Variants in CEP63 observed in about 807,000 individuals in gnomAD.
CEP63 encodes centrosomal protein of 63 kDa.
CEP63 carries 84 observed loss-of-function variants against 89.1 expected under a neutral mutation model. That is an observed-to-expected ratio of 0.94 (90% CI 0.79 to 1.13). CEP63 has a LOEUF of 1.13. CEP63 is among the 50% of genes most tolerant of loss of function. The probability of loss-of-function intolerance (pLI) is 0.00; values close to 1 mark genes in which losing one functional copy is unlikely to be tolerated. For synonymous variants in CEP63, 267 were observed against 272.5 expected (o/e 0.98, Z 0.20); for missense variants, 838 against 813.3 (o/e 1.03, Z -0.37).
At chr3:134,494,849 CAA>C (rs1172374330) in intron 1 of CEP63, among the ~76,000 whole-genome samples, 1 of 152,042 alleles carries the variant, frequency 6.6e-6, no homozygotes, top group Non-Finnish European at 1.5e-5. Context: ...CATGATAGAC[CAA>C]AGAGTTTAAT....
the CEP63 span, among the ~76,000 whole-genome samples, chr3:134,751,081 AT>A: frequency 6.6e-6 from 1 of 152,236 alleles, no homozygotes; most frequent in Non-Finnish European, 1.5e-5. Context: ...ATCACACAAT[AT>A]GTGACATTTC....
At chr3:134,521,132 A>G (rs1947350023) in intron 3 of CEP63, among the ~76,000 whole-genome samples, 1 of 152,194 alleles carries the variant, frequency 6.6e-6, no homozygotes, top group South Asian at 2.1e-4. Context: ...TCATTTCACA[A>G]AGGAAGATAT....
the CEP63 span, among the ~76,000 whole-genome samples, chr3:134,671,518 CAT>C: frequency 6.6e-6 from 1 of 152,190 alleles, no homozygotes; most frequent in African/African-American, 2.4e-5. Context: ...CTGAAGCAAA[CAT>C]AGAAGAAAAA....
At chr3:134,698,777 C>T in the CEP63 span, among the ~76,000 whole-genome samples, 2 of 152,210 alleles carry the variant, frequency 1.3e-5, no homozygotes, top group African/African-American at 4.8e-5. Flanking sequence ...CATGAAAAGA[C>T]TTTCTATGTC....
At position 134,486,061 on chromosome 3, in the gene CEP63, A is replaced by G. The variant is rs965573773; in HGVS notation, c.-167A>G. On this transcript the variant is annotated 5_prime_UTR_variant, in exon 1 of 15. Coordinates refer to ENST00000675561, the MANE Select transcript of CEP63 (RefSeq NM_001353108.3). ...CGGATTCCCGGATGTGGGTGAGTTC[A>G]TTTGCTCGCGTGCAGGGGAAGTCTG... The G allele has an allele frequency of 1.8e-5, 18 of 983,910 alleles. No individual in the cohort carries two copies. The highest frequency in any genetic ancestry group is 2.2e-5 in the Non-Finnish European group (18 of 829,810). 60.9% of individuals were successfully genotyped at this position (983,910 alleles called of 1,614,324 possible). A position where few individuals can be genotyped will look rare whatever the true frequency, so the allele number is the denominator to read the frequency against.
intron 2 of CEP63, 60 bp downstream of exon 2, chr3:134,495,424 G>A: frequency 1.9e-6 from 2 of 1,073,932 alleles, no homozygotes; most frequent in East Asian, 2.4e-5. Flanking sequence ...ATATTTATAG[G>A]GTTCACATGA....
the CEP63 span, chr3:134,647,364 T>G: frequency 8.0e-7 from 1 of 1,250,408 alleles, no homozygotes; most frequent in Non-Finnish European, 1.1e-6. Flanking sequence ...TTCAAATGAG[T>G]GAAACCCAAT....
the CEP63 span, among the ~76,000 whole-genome samples, chr3:134,729,560 C>T: frequency 1.3e-5 from 2 of 152,282 alleles, no homozygotes; most frequent in Admixed American, 6.5e-5. Context: ...ATCTTTATGG[C>T]TCTAAAAGGG....
At chr3:134,703,957 C>T in the CEP63 span, among the ~76,000 whole-genome samples, 1 of 152,186 alleles carries the variant, frequency 6.6e-6, no homozygotes, top group Non-Finnish European at 1.5e-5. Flanking sequence ...TCAAATTATA[C>T]TTTCCCATTG....
At chr3:134,630,235 C>G in the CEP63 span, among the ~76,000 whole-genome samples, 1 of 152,118 alleles carries the variant, frequency 6.6e-6, no homozygotes, top group Admixed American at 6.5e-5. Context: ...TGTTTTTCCC[C>G]CACTTTATTC....
chr3:134,645,001 C>T, the CEP63 span, among the ~76,000 whole-genome samples: 4 of 152,320 alleles, frequency 2.6e-5, no homozygotes, highest in East Asian at 5.8e-4. Flanking sequence ...GGCAGTGCCT[C>T]GGCTGGCTGA....
the CEP63 span, among the ~76,000 whole-genome samples, chr3:134,742,735 G>T: frequency 2.6e-5 from 4 of 152,228 alleles, no homozygotes; most frequent in African/African-American, 4.8e-5. Flanking sequence ...TCATGGGTGG[G>T]TTTAACTTCT....
the CEP63 span, among the ~76,000 whole-genome samples, chr3:134,744,680 A>G: frequency 6.6e-6 from 1 of 152,032 alleles, no homozygotes; most frequent in African/African-American, 2.4e-5. Flanking sequence ...ATGCCTGGCT[A>G]ATTTTTTAAA....
the CEP63 span, among the ~76,000 whole-genome samples, chr3:134,778,953 C>A: frequency 6.6e-6 from 1 of 152,112 alleles, no homozygotes; most frequent in Non-Finnish European, 1.5e-5. Context: ...TGCTGAGCAG[C>A]GAAATTGTAA....
the CEP63 span, among the ~76,000 whole-genome samples, chr3:134,658,480 G>C: frequency 1.3e-5 from 2 of 152,188 alleles, no homozygotes; most frequent in African/African-American, 4.8e-5. Flanking sequence ...GGGCCAGGGG[G>C]CCAGGTCATG....
chr3:134,699,572 A>G, the CEP63 span, among the ~76,000 whole-genome samples: 1 of 151,670 alleles, frequency 6.6e-6, no homozygotes, highest in Non-Finnish European at 1.5e-5. Flanking sequence ...CTTCTGAAAC[A>G]CCAGCTTTTC....
chr3:134,777,112 T>C, the CEP63 span, among the ~76,000 whole-genome samples: 3 of 152,238 alleles, frequency 2.0e-5, no homozygotes, highest in Admixed American at 6.5e-5. Flanking sequence ...TGCTTTCTAT[T>C]GCATTATTGA....
intron 2 of CEP63, among the ~76,000 whole-genome samples, chr3:134,497,645 C>T (rs1940590529): frequency 6.6e-6 from 1 of 152,182 alleles, no homozygotes; most frequent in South Asian, 2.1e-4. Context: ...GTTGGGATCA[C>T]AGGCATCAGC....
At chr3:134,488,502 G>C (rs746089386) in intron 1 of CEP63, among the ~76,000 whole-genome samples, 28 of 151,710 alleles carry the variant, frequency 1.8e-4, no homozygotes, top group Non-Finnish European at 2.8e-4. Context: ...CCAGCTACTC[G>C]GGAGGCTGAG....
Sources: allele counts gnomAD v4.1 joint callset (sites outside exome capture counted in the v4.1 genomes callset), GRCh38; gene constraint gnomAD v4.1.1; transcripts MANE v1.5; gene names NCBI Gene and HGNC (gene_info 2026-07-23, HGNC 2026-07-21).